Variants in SETD3 observed in about 807,000 individuals in gnomAD.
SETD3 encodes the protein SET domain containing 3, actin N3(tau)-histidine methyltransferase.
A neutral mutation model predicts 63.0 loss-of-function variants in SETD3; 19 were observed. The observed-to-expected ratio is 0.30, with a 90% CI of 0.21 to 0.44. The LOEUF is 0.44. SETD3 is among the 20% of genes least tolerant of loss of function. The pLI, the probability that SETD3 is intolerant of heterozygous loss-of-function variation, is 1.00. For missense variants in SETD3, 587 were observed against 728.5 expected (o/e 0.81, Z 2.24); for synonymous variants, 286 against 264.1 (o/e 1.08, Z -0.80).
chr14:99,460,259 A>G lies in SETD3; in HGVS notation c.345+933T>C, dbSNP rs1894995866. Reference sequence around the variant, plus strand: ...TTTATCAATCTATCAATGAAAGGTTAACTACAACTTAGCCAAAAATGTTGC... The same window carrying G: ...TTTATCAATCTATCAATGAAAGGTTGACTACAACTTAGCCAAAAATGTTGC... On this transcript the variant is annotated intron_variant, in intron 4 of 12. Transcript: ENST00000331768. Among the ~76,000 whole-genome samples, 3 of 152,204 alleles carry G rather than the reference A, an allele frequency of 2.0e-5. No homozygotes were observed. In the South Asian group the frequency reaches 6.2e-4, roughly 32 times the overall value.
chr14:99,455,763 G>A (rs1425659129), intron 6 of SETD3, among the ~76,000 whole-genome samples: 1 of 152,074 alleles, frequency 6.6e-6, no homozygotes, highest in Non-Finnish European at 1.5e-5. Context: ...ATTTGGGGCT[G>A]GAAAATGCCT....
intron 10 of SETD3, 83 bp from the exon 11 acceptor site, chr14:99,404,393 C>T (rs919569270): frequency 4.4e-5 from 53 of 1,217,614 alleles, no homozygotes; most frequent in Admixed American, 2.6e-4. Context: ...GTCTACAGCA[C>T]GTGTGGTTGT....
chr14:99,416,784 T>A (rs1892312677), intron 6 of SETD3, among the ~76,000 whole-genome samples: 1 of 152,212 alleles, frequency 6.6e-6, no homozygotes, highest in Admixed American at 6.5e-5. Context: ...TTAATATTTT[T>A]ACTTTCTTGA....
At chr14:99,446,445 G>A (rs1381129641) in intron 6 of SETD3, among the ~76,000 whole-genome samples, 1 of 152,110 alleles carries the variant, frequency 6.6e-6, no homozygotes, top group Non-Finnish European at 1.5e-5. Context: ...AAGTCTTACC[G>A]TGCTCAGCCC....
intron 8 of SETD3, among the ~76,000 whole-genome samples, chr14:99,408,451 T>A (rs78874047): frequency 0.033 from 5,043 of 152,132 alleles, 266 homozygotes; most frequent in African/African-American, 0.12. Context: ...GCTGCCCATA[T>A]CATGAACTCC....
rs1892099386 is a variant in SETD3, at chr14:99,413,168, CAA to C, written c.735-105_735-104del. 4 of 647,634 alleles carry C rather than the reference CAA, an allele frequency of 6.2e-6. No individual in the cohort carries two copies. In the Admixed American group the frequency reaches 8.4e-5, roughly 14 times the overall value. 40.1% of individuals were successfully genotyped at this position (647,634 alleles called of 1,614,324 possible). On this transcript the variant is annotated intron_variant, in intron 7 of 12. Coordinates refer to ENST00000331768, the MANE Select transcript of SETD3 (RefSeq NM_032233.3). ...TTAGGTTTGATCTCTTACAAACGTA[CAA>C]AGTCTTTTCCTAAGTAACAAAGGTA...
In SETD3 at chr14:99,477,358, C is replaced by CT. The variant is rs143711225; in HGVS notation, c.-9+3369_-9+3370insA. On this transcript the variant is annotated intron_variant, in intron 1 of 12. Transcript: ENST00000331768. ...CTTAGAGGAGACTCCCAAGTGGAAA[C>CT]GGGGTCAACACAGCTAATCTCTGGC... Among the ~76,000 whole-genome samples, 404 of 152,224 alleles carry CT rather than the reference C, an allele frequency of 2.7e-3. 2 individuals carry two copies. The highest frequency in any genetic ancestry group is 9.4e-3 in the African/African-American group (391 of 41,526).
chr14:99,443,558 T>C (rs1893961838), intron 6 of SETD3, among the ~76,000 whole-genome samples: 1 of 152,164 alleles, frequency 6.6e-6, no homozygotes, highest in Non-Finnish European at 1.5e-5. Context: ...GGTCCCATGA[T>C]TTTGTTTTTA....
intron 11 of SETD3, among the ~76,000 whole-genome samples, 185 bp from the exon 12 acceptor site, chr14:99,400,444 G>A (rs1413478478): frequency 6.6e-6 from 1 of 152,178 alleles, no homozygotes; most frequent in Non-Finnish European, 1.5e-5. Context: ...GTTTTGGGGA[G>A]CAACACCAGG....
At position 99,451,092 on chromosome 14, in the gene SETD3, T is replaced by A. The variant is rs548053865; in HGVS notation, c.675+7187A>T. On this transcript the variant is annotated intron_variant, in intron 6 of 12. Transcript: ENST00000331768. Reference sequence around the variant, plus strand: ...CAACTATGTTAAGGTAAGTAAAATCTGATAGGATATACGTTGCTTTCACAC... The same window carrying A: ...CAACTATGTTAAGGTAAGTAAAATCAGATAGGATATACGTTGCTTTCACAC... 5.3e-5 allele frequency among the ~76,000 whole-genome samples: 8 copies of A among 152,304 alleles called. No individual in the cohort carries two copies. The South Asian group carries it at 8.3e-4, about 16-fold the overall frequency.
chr14:99,464,548 C>T (rs898691986), intron 2 of SETD3, among the ~76,000 whole-genome samples: 3 of 152,184 alleles, frequency 2.0e-5, no homozygotes, highest in Non-Finnish European at 4.4e-5. Context: ...CAGCCACACT[C>T]CACCGGCCAG....
chr14:99,448,871 A>G (rs1894289974), intron 6 of SETD3, among the ~76,000 whole-genome samples: 1 of 152,250 alleles, frequency 6.6e-6, no homozygotes, highest in African/African-American at 2.4e-5. Context: ...TCTGAGGCCA[A>G]GTGAACTTTA....
At chr14:99,442,035 C>T (rs1216724430) in intron 6 of SETD3, among the ~76,000 whole-genome samples, 1 of 152,184 alleles carries the variant, frequency 6.6e-6, no homozygotes, top group East Asian at 1.9e-4. Flanking sequence ...AAACTCATGA[C>T]CTCTGGTGCG....
At chr14:99,475,717 C>G (rs1281891594) in intron 1 of SETD3, among the ~76,000 whole-genome samples, 1 of 152,148 alleles carries the variant, frequency 6.6e-6, no homozygotes, top group Non-Finnish European at 1.5e-5. Context: ...AGATGGACTA[C>G]CCACCTTCCT....
rs778796008 is a variant in SETD3 at position 99,398,021 on chromosome 14, C to T, written c.*658G>A. 8.5e-5 allele frequency: 13 copies of T among 152,476 alleles called. No homozygotes were observed. The highest frequency in any genetic ancestry group is 1.5e-4 in the Non-Finnish European group (10 of 68,012). 9.4% of individuals were successfully genotyped at this position (152,476 alleles called of 1,614,324 possible). Reference sequence around the variant, plus strand: ...AGGACAAGTTCTTAGTACAGTAAAACAAAACACAAAAGTAAACAAATCTTT... The same window carrying T: ...AGGACAAGTTCTTAGTACAGTAAAATAAAACACAAAAGTAAACAAATCTTT... On this transcript the variant is annotated 3_prime_UTR_variant, in exon 13 of 13. Transcript: ENST00000331768.
Position 99,458,135 on chromosome 14 carries a change from A to G in SETD3, c.675+144T>C, listed in dbSNP as rs1485529261. 3 of 991,712 alleles carry G rather than the reference A, an allele frequency of 3.0e-6. No homozygotes were observed. The East Asian group carries it at 8.1e-5, about 27-fold the overall frequency. The allele number at this position is 991,712 out of a possible 1,614,324, so 61.4% of individuals were successfully genotyped here. A position where few individuals can be genotyped will look rare whatever the true frequency, so the allele number is the denominator to read the frequency against. ...ATTGATATTTCTGTAAAAACAAACG[A>G]TGAAATGTATTTTATATTTTCAATT... On this transcript the variant is annotated intron_variant, in intron 6 of 12. Coordinates refer to ENST00000331768, the MANE Select transcript of SETD3 (RefSeq NM_032233.3).
intron 11 of SETD3, among the ~76,000 whole-genome samples, chr14:99,400,460 CCT>C (rs1253145374): frequency 6.6e-6 from 1 of 152,188 alleles, no homozygotes; most frequent in African/African-American, 2.4e-5. Context: ...CCAGGTCAGG[CCT>C]CTCCATGTGG....
chr14:99,459,230 A>G (rs1475062949), intron 4 of SETD3, 45 bp from the exon 5 acceptor site: 2 of 1,378,138 alleles, frequency 1.5e-6, no homozygotes, highest in Middle Eastern at 1.8e-4. Context: ...AACACGGTAC[A>G]GTCTTCAATC....
chr14:99,443,084 G>T (rs1371448365), intron 6 of SETD3, among the ~76,000 whole-genome samples: 2 of 152,110 alleles, frequency 1.3e-5, no homozygotes, highest in Non-Finnish European at 2.9e-5. Context: ...CAAGGTTATT[G>T]TGAGGGCGAG....
Sources: allele counts gnomAD v4.1 joint callset (sites outside exome capture counted in the v4.1 genomes callset), GRCh38; gene constraint gnomAD v4.1.1; transcripts MANE v1.5; gene names NCBI Gene and HGNC (gene_info 2026-07-23, HGNC 2026-07-21).